The following APC2 variants were observed in gnomAD, a reference collection of about 807,000 sequenced individuals.
The protein encoded by APC2 is adenomatous polyposis coli protein 2.
APC2 carries 41 observed loss-of-function variants against 72.5 expected under a neutral mutation model. The observed-to-expected ratio is 0.57, with a 90% CI of 0.44 to 0.73. The LOEUF (loss-of-function observed/expected upper bound fraction) is 0.73, where lower values mean the gene tolerates loss of function less well. APC2 is among the 30% of genes least tolerant of loss of function. APC2 has a pLI of 0.00. For synonymous variants in APC2, 1,898 were observed against 1,612.0 expected (o/e 1.18, Z -4.25); for missense variants, 3,729 against 3,403.4 (o/e 1.10, Z -2.38).
At chr19:1,454,654 C>G (rs1246404736) in intron 4 of APC2, among the ~76,000 whole-genome samples, 1 of 151,150 alleles carries the variant, frequency 6.6e-6, no homozygotes, top group Non-Finnish European at 1.5e-5. Context: ...AGCTCCGCCT[C>G]CCGGGTTCAC....
rs767618250 is a variant in APC2 at position 1,468,298 on chromosome 19, G to C, written c.4997G>C (p.Arg1666Pro). ...RLDERPAEGS[R>P]ERGEEAAGSD... is the part of the protein sequence containing the mutation. The stretch of plus-strand genomic sequence containing the variant: ...GATGAGCGGCCCGCAGAGGGGTCCC[G>C]GGAACGCGGCGAGGAGGCAGCGGGC... The change falls in exon 15 of 15, where the codon CGG becomes CCG. Residue 1666 changes from arginine to proline, a missense_variant. Coordinates refer to ENST00000590469, the MANE Select transcript of APC2 (RefSeq NM_005883.3). The C allele has an allele frequency of 1.5e-4, 230 of 1,540,982 alleles. No individual in the cohort carries two copies. The highest frequency in any genetic ancestry group is 1.7e-4 in the Non-Finnish European group (196 of 1,144,338).
At position 1,458,358 on chromosome 19, in the gene APC2, A is replaced by C. The variant is rs992844073; in HGVS notation, c.1303+298A>C. 4 of 424,798 alleles carry C rather than the reference A, an allele frequency of 9.4e-6. No individual in the cohort carries two copies. The Admixed American group carries it at 1.2e-4, about 13-fold the overall frequency. The allele number at this position is 424,798 out of a possible 1,614,324, so 26.3% of individuals were successfully genotyped here. ...GAACGGACCAGAAGGGCAAAGATAG[A>C]TAGAAGACAGGCCCAGAATTGGAAC... On this transcript the variant is annotated intron_variant, in intron 10 of 14. Transcript: ENST00000590469.
intron 6 of APC2, 85 bp downstream of exon 6, chr19:1,455,585 CT>C: frequency 7.5e-7 from 1 of 1,335,520 alleles, no homozygotes; most frequent in South Asian, 1.2e-5. Context: ...TGGGCGGGGT[CT>C]GGGGTAATGG....
rs2084103150 is a variant in APC2 at position 1,469,862 on chromosome 19, C to A, written c.6561C>A (p.Ser2187Arg). The A allele has an allele frequency of 6.6e-7, 1 of 1,521,286 alleles. No individual in the cohort carries two copies. Among genetic ancestry groups the A allele is most frequent in the Non-Finnish European group, 8.8e-7 (1 of 1,141,512 alleles). 94.2% of individuals were successfully genotyped at this position (1,521,286 alleles called of 1,614,324 possible). The change falls in exon 15 of 15, where the codon AGC becomes AGA. Residue 2187 changes from serine to arginine, a missense_variant. Coordinates refer to ENST00000590469, the MANE Select transcript of APC2 (RefSeq NM_005883.3). ...APAGPPPRKT[S>R]DAVVQTEEVA... ...CCGGGCCCCCGCCGCGCAAGACCAGCGACGCCGTGGTCCAGACCGAGGAGG... is the reference window on the plus strand; with the variant it reads ...CCGGGCCCCCGCCGCGCAAGACCAGAGACGCCGTGGTCCAGACCGAGGAGG...
At position 1,467,411 on chromosome 19, in the gene APC2, C is replaced by T; in HGVS notation, c.4110C>T (p.Pro1370=). The change falls in exon 15 of 15, where the codon CCC becomes CCT. Residue 1370 remains proline, a synonymous_variant. Transcript: ENST00000590469. Reference sequence around the variant, plus strand: ...TGGTGCCAGGTCGCCGCGCACTCCCCGTGCCCGTCTACATGTTGGTGCCCG... The same window carrying T: ...TGGTGCCAGGTCGCCGCGCACTCCCTGTGCCCGTCTACATGTTGGTGCCCG... ...SALVPGRRAL[P]VPVYMLVPAP... The T allele has an allele frequency of 1.3e-6, 2 of 1,491,362 alleles. No homozygotes were observed. Among genetic ancestry groups the T allele is most frequent in the East Asian group, 2.8e-5 (1 of 35,708 alleles). 92.4% of individuals were successfully genotyped at this position (1,491,362 alleles called of 1,614,324 possible). A position where few individuals can be genotyped will look rare whatever the true frequency, so the allele number is the denominator to read the frequency against.
rs752798516 is a variant in APC2, at chr19:1,456,060, G to T, written c.640-16G>T. 2.1e-5 allele frequency: 33 copies of T among 1,550,498 alleles called. No individual in the cohort carries two copies. In the African/African-American group the frequency reaches 3.8e-4, roughly 18 times the overall value. ...GGGGTCAGCTCCAGCACTTGCCCTC[G>T]TGTGGTCCTGAGCAGATCCGCGCCT... On this transcript the variant is annotated splice_polypyrimidine_tract_variant and intron_variant, in intron 6 of 14. Transcript: ENST00000590469.
In APC2 at chr19:1,471,691, C is replaced by G. The variant is rs967414034; in HGVS notation, c.*1478C>G. The G allele has an allele frequency of 3.9e-5, 6 of 152,280 alleles. No individual in the cohort carries two copies. Among genetic ancestry groups the G allele is most frequent in the Admixed American group, 6.5e-5 (1 of 15,282 alleles). 9.4% of individuals were successfully genotyped at this position (152,280 alleles called of 1,614,324 possible). ...CCCCACGTGCCTTCTCCAGGAGGAA[C>G]GAAGCAGGGTTTGAGGGTTGGGTGG... On this transcript the variant is annotated 3_prime_UTR_variant, in exon 15 of 15. Coordinates refer to ENST00000590469, the MANE Select transcript of APC2 (RefSeq NM_005883.3).
chr19:1,447,663 G>GT (rs200869070), upstream of APC2, among the ~76,000 whole-genome samples: 1,423 of 150,552 alleles, frequency 9.5e-3, 31 homozygotes, highest in African/African-American at 0.034. Context: ...TTTAGTGTGT[G>GT]GGGGGGGATT....
chr19:1,459,546 T>C (rs1027933228), intron 10 of APC2, among the ~76,000 whole-genome samples: 1 of 152,228 alleles, frequency 6.6e-6, no homozygotes, highest in Non-Finnish European at 1.5e-5. Flanking sequence ...TTCTGAGATA[T>C]GTCCCTAACT....
chr19:1,452,753 C>T lies in APC2; in HGVS notation c.-18-231C>T. ...TCTGTACGTCTGTCTGCTGGCCCCTCTGTCTCCCCTTGGGGCCACCTCTCA... is the reference window on the plus strand; with the variant it reads ...TCTGTACGTCTGTCTGCTGGCCCCTTTGTCTCCCCTTGGGGCCACCTCTCA... On this transcript the variant is annotated intron_variant, in intron 1 of 14. Transcript: ENST00000590469. This position sits in a 1 kb window ranked among gnomAD's most constrained non-coding sequence, Gnocchi z 5.1. The T allele has an allele frequency of 1.8e-6, 1 of 544,340 alleles. No individual in the cohort carries two copies. Among genetic ancestry groups the T allele is most frequent in the Non-Finnish European group, 3.3e-6 (1 of 306,038 alleles). The allele number at this position is 544,340 out of a possible 1,614,324, so 33.7% of individuals were successfully genotyped here.
At chr19:1,456,766 G>A (rs1013385092) in intron 8 of APC2, 87 bp from the exon 9 acceptor site, 4 of 1,459,422 alleles carry the variant, frequency 2.7e-6, no homozygotes, top group South Asian at 1.3e-5. Context: ...CCTTGGGGAC[G>A]GGGCAGGGGT....
In APC2 at chr19:1,452,943, C is replaced by T; in HGVS notation, c.-18-41C>T. 6.3e-7 allele frequency: 1 copy of T among 1,597,572 alleles called. No individual in the cohort carries two copies. Among genetic ancestry groups the T allele is most frequent in the Non-Finnish European group, 8.5e-7 (1 of 1,172,706 alleles). ...TGTCCGGAAGGCATCACCGCGCCCT[C>T]CCCAGACCATCAGCTGAACCCTCTG... is the stretch of plus-strand genomic sequence containing the variant. On this transcript the variant is annotated intron_variant, in intron 1 of 14. Coordinates refer to ENST00000590469, the MANE Select transcript of APC2 (RefSeq NM_005883.3). The surrounding 1 kb of genome is among the most constrained non-coding windows in gnomAD (Gnocchi z 5.1).
At chr19:1,464,337 ATGT>A (rs1444712070) in intron 14 of APC2, among the ~76,000 whole-genome samples, 4 of 152,016 alleles carry the variant, frequency 2.6e-5, no homozygotes, top group South Asian at 2.1e-4. Context: ...TAAAATAAAA[ATGT>A]TGTTAAATAA....
rs1255602973 is a variant in APC2, at chr19:1,472,982, C to G, written c.*2769C>G. 1 of 152,322 alleles carries G rather than the reference C, an allele frequency of 6.6e-6. No individual in the cohort carries two copies. Among genetic ancestry groups the G allele is most frequent in the Non-Finnish European group, 1.5e-5 (1 of 68,134 alleles). The allele number at this position is 152,322 out of a possible 1,614,324, so 9.4% of individuals were successfully genotyped here. Reference sequence around the variant, plus strand: ...CGCCGTGCCCACCGGCATGGTCCTCCCGAGCTCCGACAGCATTACCTCACC... The same window carrying G: ...CGCCGTGCCCACCGGCATGGTCCTCGCGAGCTCCGACAGCATTACCTCACC... On this transcript the variant is annotated 3_prime_UTR_variant, in exon 15 of 15. Transcript: ENST00000590469.
Position 1,470,399 on chromosome 19 carries a change from C to T in APC2, c.*186C>T, listed in dbSNP as rs1473490780. 1 of 892,582 alleles carries T rather than the reference C, an allele frequency of 1.1e-6. No homozygotes were observed. The highest frequency in any genetic ancestry group is 1.6e-6 in the Non-Finnish European group (1 of 626,294). 55.3% of individuals were successfully genotyped at this position (892,582 alleles called of 1,614,324 possible). ...CGCGCCTCACCGGAAGACCTTGCCT[C>T]TGTGCCGCGGAGGTCCAGGAGGAAA... On this transcript the variant is annotated 3_prime_UTR_variant, in exon 15 of 15. Transcript: ENST00000590469.
intron 4 of APC2, among the ~76,000 whole-genome samples, chr19:1,454,617 G>C (rs1231313889): frequency 1.4e-5 from 2 of 146,246 alleles, no homozygotes; most frequent in Non-Finnish European, 3.0e-5. Flanking sequence ...AAGCTGGAGT[G>C]CAGTGGCGCG....
At position 1,468,076 on chromosome 19, in the gene APC2, CG is replaced by C. The variant is rs1568182821; in HGVS notation, c.4777del (p.Glu1593SerfsTer201). On this transcript the variant is annotated frameshift_variant, in exon 15 of 15. Coordinates refer to ENST00000590469, the MANE Select transcript of APC2 (RefSeq NM_005883.3). LOFTEE classifies it low-confidence loss of function (END_TRUNC). ...AGCTCCCTCAGCGAGCCCGAGCCCT[CG>C]GAGCCGCCGGCCGTCCATCCACGAG... is the stretch of plus-strand genomic sequence containing the variant. Reference protein sequence around the residue: ...SASSLSEPEPSEPPAVHPRGR... With the variant: ...SASSLSEPEPXEPPAVHPRGR... 1.3e-6 allele frequency: 2 copies of C among 1,553,018 alleles called. No individual in the cohort carries two copies. The highest frequency in any genetic ancestry group is 2.5e-5 in the East Asian group (1 of 40,034).
rs1192258723 is a variant in APC2 at position 1,450,368 on chromosome 19, C to T, written c.-19+30C>T. 18 of 984,948 alleles carry T rather than the reference C, an allele frequency of 1.8e-5. No individual in the cohort carries two copies. The Admixed American group carries it at 1.8e-4, about 10-fold the overall frequency. 61.0% of individuals were successfully genotyped at this position (984,948 alleles called of 1,614,324 possible). On this transcript the variant is annotated intron_variant, in intron 1 of 14. Transcript: ENST00000590469. ...GTGTCCTCGGGGAGGAGGGCAGGGG[C>T]GCGACCTCCGCCTCGCGTCGAGGTT... is the stretch of plus-strand genomic sequence containing the variant.
At position 1,462,029 on chromosome 19, in the gene APC2, G is replaced by A. The variant is rs373536854; in HGVS notation, c.1705G>A (p.Ala569Thr). 6.2e-7 allele frequency: 1 copy of A among 1,613,116 alleles called. No homozygotes were observed. Among genetic ancestry groups the A allele is most frequent in the Non-Finnish European group, 8.5e-7 (1 of 1,180,006 alleles). The change falls in exon 14 of 15, where the codon GCG (alanine) becomes ACG (threonine). Residue 569 changes from alanine to threonine, a missense_variant. Ala to Thr is a moderately conservative substitution (Grantham distance 58). Coordinates refer to ENST00000590469, the MANE Select transcript of APC2 (RefSeq NM_005883.3). ...GTCTGCACACAGCACAGAGAACAAG[G>A]CGGCCATCTGCCAGGTGGATGGCGC... is the stretch of plus-strand genomic sequence containing the variant. ...NLSAHSTENK[A>T]AICQVDGALG... is the part of the protein sequence containing the mutation.
Sources: gnomAD v4.1 joint callset for allele counts (sites outside exome capture counted in the v4.1 genomes callset) on GRCh38, gnomAD v4.1.1 for gene constraint, Gnocchi (gnomAD v3.1) non-coding constraint, MANE v1.5 for transcripts, NCBI Gene and HGNC (gene_info 2026-07-23, HGNC 2026-07-21) for gene names.